ADCY8: variants seen among roughly 807,000 people sequenced by gnomAD.
The protein encoded by ADCY8 is adenylate cyclase type 8.
ADCY8 carries 51 observed loss-of-function variants against 119.7 expected under a neutral mutation model. That is an observed-to-expected ratio of 0.43 (90% CI 0.34 to 0.54). The LOEUF is 0.54. ADCY8 is among the 20% of genes least tolerant of loss of function. The probability of loss-of-function intolerance (pLI) is 0.03; values close to 1 mark genes in which losing one functional copy is unlikely to be tolerated. For synonymous variants in ADCY8, 665 were observed against 651.0 expected, an observed-to-expected ratio of 1.02 and a Z score of -0.33; for missense variants, 1,383 against 1,598.8, an observed-to-expected ratio of 0.87 and a Z score of 2.30.
chr8:130,964,360 C>T (rs969178954), intron 2 of ADCY8, among the ~76,000 whole-genome samples: 14 of 152,124 alleles, frequency 9.2e-5, no homozygotes, highest in African/African-American at 3.4e-4. Flanking sequence ...ATCTGTAGCC[C>T]CATGCTGAAC....
At chr8:130,964,687 T>C (rs1454554199) in intron 2 of ADCY8, among the ~76,000 whole-genome samples, 17 of 152,224 alleles carry the variant, frequency 1.1e-4, no homozygotes, top group Admixed American at 1.1e-3. Flanking sequence ...AAATATTAAC[T>C]AATGCACTTT....
chr8:131,039,236 C>G (rs1824268310), intron 1 of ADCY8, 138 bp downstream of exon 1: 1 of 1,251,814 alleles, frequency 8.0e-7, no homozygotes, highest in African/African-American at 1.5e-5. Flanking sequence ...CACTCAAGAC[C>G]TCCTAGGTAC....
At chr8:130,936,940 A>C in intron 5 of ADCY8, 133 bp downstream of exon 5, 1 of 1,115,400 alleles carries the variant, frequency 9.0e-7, no homozygotes, top group East Asian at 2.5e-5. Flanking sequence ...ACTAAGGGGC[A>C]CACAGTTTTT....
chr8:130,828,853 T>C (rs995309776), intron 12 of ADCY8, among the ~76,000 whole-genome samples: 1 of 152,188 alleles, frequency 6.6e-6, no homozygotes, highest in African/African-American at 2.4e-5. Context: ...CCAGAACCAT[T>C]CTTGGAGGGT....
At chr8:130,811,291 C>G (rs1311395997) in intron 14 of ADCY8, among the ~76,000 whole-genome samples, 1 of 152,168 alleles carries the variant, frequency 6.6e-6, no homozygotes, top group African/African-American at 2.4e-5. Context: ...TGGACCTCAT[C>G]ATTCTCTCCT....
intron 13 of ADCY8, among the ~76,000 whole-genome samples, chr8:130,818,596 C>T (rs556315738): frequency 6.6e-5 from 10 of 152,336 alleles, no homozygotes; most frequent in East Asian, 5.8e-4. Flanking sequence ...CCCCACCAGA[C>T]GCTTCTGCGT....
At position 130,800,530 on chromosome 8, in the gene ADCY8, C is replaced by T. The variant is rs1233092582; in HGVS notation, c.2956G>A (p.Ala986Thr). The change falls in exon 15 of 18, where the codon GCC becomes ACC. Residue 986 changes from alanine to threonine, a missense_variant. This residue lies in a region of ADCY8 where 928 missense variants were observed against 1,163.5 expected (regional missense o/e 0.80). Coordinates refer to ENST00000286355, the MANE Select transcript of ADCY8 (RefSeq NM_001115.3). Reference sequence around the variant, plus strand: ...AAGTCCGCAAATCCTGGGATGGAGGCAAACATCACCCCAACAGCATCATAG... The same window carrying T: ...AAGTCCGCAAATCCTGGGATGGAGGTAAACATCACCCCAACAGCATCATAG... Reference protein sequence around the residue: ...QSYDAVGVMFASIPGFADFYS... With the variant: ...QSYDAVGVMFTSIPGFADFYS... 4 of 1,614,104 alleles carry T rather than the reference C, an allele frequency of 2.5e-6. No homozygotes were observed. The South Asian group carries it at 4.4e-5, about 18-fold the overall frequency.
intron 5 of ADCY8, among the ~76,000 whole-genome samples, chr8:130,936,072 CATGTGTGTGT>C (rs754108268): frequency 6.2e-5 from 6 of 97,160 alleles, no homozygotes; most frequent in Middle Eastern, 4.8e-3. Context: ...CAAGCACTGA[CATGTGTGTGT>C]GTGTGTGTGT....
At chr8:130,788,364 A>G (rs1036856031) in intron 15 of ADCY8, among the ~76,000 whole-genome samples, 3 of 152,242 alleles carry the variant, frequency 2.0e-5, no homozygotes, top group African/African-American at 7.2e-5. Context: ...GAAGGGCATT[A>G]TGGTAAGTGA....
At chr8:130,971,526 T>G (rs1468356405) in intron 2 of ADCY8, among the ~76,000 whole-genome samples, 1 of 152,194 alleles carries the variant, frequency 6.6e-6, no homozygotes, top group East Asian at 1.9e-4. Flanking sequence ...CATTAAATAT[T>G]TTTTCAAACT....
At chr8:130,794,910 C>A (rs1366399729) in intron 15 of ADCY8, among the ~76,000 whole-genome samples, 1 of 152,168 alleles carries the variant, frequency 6.6e-6, no homozygotes, top group South Asian at 2.1e-4. Flanking sequence ...AAATTCAATG[C>A]CCTTGCAGGT....
chr8:130,908,578 C>A (rs1249874135), intron 6 of ADCY8, among the ~76,000 whole-genome samples: 1 of 152,062 alleles, frequency 6.6e-6, no homozygotes, highest in Non-Finnish European at 1.5e-5. Flanking sequence ...GTGGATTATG[C>A]CATTATAGCA....
intron 14 of ADCY8, among the ~76,000 whole-genome samples, chr8:130,800,799 C>G (rs1184641547): frequency 6.6e-6 from 1 of 152,174 alleles, no homozygotes; most frequent in Non-Finnish European, 1.5e-5. Context: ...TTATTTCTCA[C>G]AGTTCTGGAG....
rs1210838720 is a variant in ADCY8 at position 130,838,546 on chromosome 8, G to T, written c.2503-2097C>A. Among the ~76,000 whole-genome samples the T allele has an allele frequency of 3.1e-5, 3 of 96,278 alleles. 1 individual carries two copies. The highest frequency in any genetic ancestry group is 8.4e-5 in the Non-Finnish European group (3 of 35,864). The allele number at this position is 96,278 out of a possible 152,430, so 63.2% of individuals were successfully genotyped here. On this transcript the variant is annotated intron_variant, in intron 11 of 17. Coordinates refer to ENST00000286355, the MANE Select transcript of ADCY8 (RefSeq NM_001115.3). The stretch of plus-strand genomic sequence containing the variant: ...CAGTTTGACAAAGGCCAAAGAAAGA[G>T]GACTAGATCTGAGGGGTCCTGTTTC...
At chr8:130,991,406 A>G (rs1164792293) in intron 1 of ADCY8, among the ~76,000 whole-genome samples, 1 of 152,236 alleles carries the variant, frequency 6.6e-6, no homozygotes, top group Non-Finnish European at 1.5e-5. Context: ...TTCCAAAAAG[A>G]AAAGAACCCG....
chr8:130,800,356 A>C, intron 15 of ADCY8, 70 bp downstream of exon 15: 1 of 1,551,936 alleles, frequency 6.4e-7, no homozygotes, highest in South Asian at 1.2e-5. Flanking sequence ...AGTAATTCCT[A>C]CAATGAATAA....
chr8:130,979,530 G>C (rs113984193), intron 2 of ADCY8, among the ~76,000 whole-genome samples: 1,834 of 152,294 alleles, frequency 0.012, 46 homozygotes, highest in African/African-American at 0.042. Flanking sequence ...GGGAGGGCTA[G>C]GGCCCTCCCA....
chr8:131,015,168 AG>A (rs1182420021), intron 1 of ADCY8, among the ~76,000 whole-genome samples: 1 of 152,222 alleles, frequency 6.6e-6, no homozygotes, highest in Admixed American at 6.5e-5. Context: ...CTAGGCTCTG[AG>A]GATATGTCAG....
Position 131,034,455 on chromosome 8 carries a change from G to GA in ADCY8, c.960+4918dup, listed in dbSNP as rs765987127. On this transcript the variant is annotated intron_variant, in intron 1 of 17. Transcript: ENST00000286355. The stretch of plus-strand genomic sequence containing the variant: ...ACACCACTATCTTATCCAGCACAAA[G>GA]AAAAAAAAATTTCCCCTAAAGGATT... Among the ~76,000 whole-genome samples, 6 of 151,260 alleles carry GA rather than the reference G, an allele frequency of 4.0e-5. No individual in the cohort carries two copies. The East Asian group carries it at 5.8e-4, about 15-fold the overall frequency.
Sources: allele counts gnomAD v4.1 joint callset (sites outside exome capture counted in the v4.1 genomes callset), GRCh38; gene constraint gnomAD v4.1.1; regional missense constraint gnomAD v4.1.1; transcripts MANE v1.5; gene names NCBI Gene and HGNC (gene_info 2026-07-23, HGNC 2026-07-21).